Variants in PCDH11X observed in about 807,000 individuals in gnomAD.
The protein encoded by PCDH11X is protocadherin-11 X-linked.
Under a neutral mutation model 53.3 loss-of-function variants are expected in PCDH11X, and 18 were observed. That is an observed-to-expected ratio of 0.34 (90% CI 0.23 to 0.50). The LOEUF is 0.50. PCDH11X is among the 20% of genes least tolerant of loss of function. The probability of loss-of-function intolerance (pLI) is 0.98; values close to 1 mark genes in which losing one functional copy is unlikely to be tolerated. For synonymous variants in PCDH11X, 279 were observed against 393.3 expected (o/e 0.71, Z 3.44); for missense variants, 570 against 1,032.4 (o/e 0.55, Z 6.14).
chrX:92,270,518 C>A (rs774950482), intron 8 of PCDH11X, among the ~76,000 whole-genome samples: 2 of 111,778 alleles, frequency 1.8e-5, no homozygotes, highest in Non-Finnish European at 3.8e-5. Context: ...TGAAACAGGC[C>A]TCAATCAATT....
intron 9 of PCDH11X, among the ~76,000 whole-genome samples, chrX:92,449,716 C>T (rs936054312): frequency 1.8e-5 from 2 of 110,783 alleles, no homozygotes; most frequent in African/African-American, 6.6e-5. Flanking sequence ...TTCTGGAGGT[C>T]ATTATCATGC....
chrX:92,128,784 TTA>T (rs1380004971), intron 6 of PCDH11X, among the ~76,000 whole-genome samples: 3 of 110,809 alleles, frequency 2.7e-5, no homozygotes, highest in African/African-American at 9.9e-5. Context: ...AAAAGGCAGA[TTA>T]TGTGTCAAAA....
At chrX:92,165,981 G>A (rs1369033681) in intron 6 of PCDH11X, among the ~76,000 whole-genome samples, 1 of 111,201 alleles carries the variant, frequency 9.0e-6, no homozygotes, top group Non-Finnish European at 1.9e-5. Context: ...GTTAACTCTA[G>A]CCGAAGGGTA....
At chrX:92,497,136 G>A (rs2073874167) in intron 10 of PCDH11X, among the ~76,000 whole-genome samples, 1 of 110,512 alleles carries the variant, frequency 9.0e-6, no homozygotes, top group South Asian at 3.9e-4. Context: ...AGCCAAGGAG[G>A]AAGTTGTTGG....
intron 6 of PCDH11X, among the ~76,000 whole-genome samples, chrX:91,932,697 TGTGCGC>T (rs1229289120): frequency 2.1e-5 from 2 of 95,192 alleles, no homozygotes; most frequent in African/African-American, 4.3e-5. Context: ...TGTGTGTGTG[TGTGCGC>T]GCGCGCGCGC....
At chrX:92,299,022 G>A (rs1173315375) in intron 8 of PCDH11X, among the ~76,000 whole-genome samples, 1 of 111,394 alleles carries the variant, frequency 9.0e-6, no homozygotes, top group South Asian at 3.9e-4. Flanking sequence ...TAACTTAGAT[G>A]GGTCTAGCTG....
At chrX:92,039,151 C>T (rs2063173325) in intron 6 of PCDH11X, among the ~76,000 whole-genome samples, 1 of 111,420 alleles carries the variant, frequency 9.0e-6, no homozygotes, top group South Asian at 3.8e-4. Flanking sequence ...TGTGACTGTG[C>T]TTGGGCAGAC....
At chrX:91,825,643 G>C (rs770530510) in intron 4 of PCDH11X, among the ~76,000 whole-genome samples, 2 of 109,805 alleles carry the variant, frequency 1.8e-5, no homozygotes, top group Admixed American at 9.5e-5. Flanking sequence ...CTTCTGCGTC[G>C]CTCAGGCTGG....
intron 6 of PCDH11X, among the ~76,000 whole-genome samples, chrX:91,891,669 A>G (rs1411714266): frequency 9.4e-6 from 1 of 106,589 alleles, no homozygotes; most frequent in East Asian, 3.0e-4. Context: ...GGAGTTTACC[A>G]TGAGTTCAGA....
At chrX:91,959,431 C>T (rs1399184175) in intron 6 of PCDH11X, among the ~76,000 whole-genome samples, 1 of 111,282 alleles carries the variant, frequency 9.0e-6, no homozygotes, top group East Asian at 2.8e-4. Context: ...TATCCTTTAA[C>T]CAATGTCTCC....
chrX:92,490,230 C>T (rs1399551844), intron 10 of PCDH11X, among the ~76,000 whole-genome samples: 8 of 106,040 alleles, frequency 7.5e-5, no homozygotes, highest in Non-Finnish European at 1.4e-4. Context: ...ACATCAGAGT[C>T]AAGTTAGTAG....
chrX:92,203,388 A>T (rs1569419846), intron 7 of PCDH11X, among the ~76,000 whole-genome samples: 1 of 112,660 alleles, frequency 8.9e-6, no homozygotes, highest in Non-Finnish European at 1.9e-5. Flanking sequence ...CTGTTTGCAA[A>T]GAGTTTCAGA....
At chrX:92,348,435 C>G (rs1310288224) in intron 8 of PCDH11X, among the ~76,000 whole-genome samples, 33 of 110,125 alleles carry the variant, frequency 3.0e-4, no homozygotes, top group African/African-American at 1.1e-3. Context: ...TGTAACCATC[C>G]AAAATCCAAG....
At chrX:91,847,822 C>A (rs766516983) in intron 5 of PCDH11X, among the ~76,000 whole-genome samples, 4 of 110,587 alleles carry the variant, frequency 3.6e-5, no homozygotes, top group East Asian at 2.8e-4. Context: ...TTTACACACA[C>A]AAAAAAAACA....
intron 6 of PCDH11X, chrX:91,884,026 C>G (rs1240479716): frequency 7.7e-6 from 3 of 390,852 alleles, no homozygotes; most frequent in African/African-American, 3.0e-5. Context: ...CCCGTCTCTT[C>G]TGAAAAATAC....
chrX:92,322,704 T>C (rs1368628939), intron 8 of PCDH11X, among the ~76,000 whole-genome samples: 1 of 111,645 alleles, frequency 9.0e-6, no homozygotes. Flanking sequence ...CTATTATTAA[T>C]AACGCTCTTA....
Position 91,884,190 on chromosome X carries a change from C to CAAAA in PCDH11X, c.3033+4936_3033+4939dup, listed in dbSNP as rs34953838. On this transcript the variant is annotated intron_variant, in intron 6 of 10. Transcript: ENST00000682573. The stretch of plus-strand genomic sequence containing the variant: ...TGGGTGACAAAGCAAGACTCCGTCT[C>CAAAA]AAAAAAAAAAAAAAAAAAAAAAGAA... Among the ~76,000 whole-genome samples, 41 of 37,717 alleles carry CAAAA rather than the reference C, an allele frequency of 1.1e-3. 1 individual carries two copies. The highest frequency in any genetic ancestry group is 4.2e-3 in the African/African-American group (38 of 8,947). The allele number at this position is 37,717 out of a possible 115,157, so 32.8% of individuals were successfully genotyped here.
At chrX:92,102,505 T>A (rs1309159056) in intron 6 of PCDH11X, among the ~76,000 whole-genome samples, 1 of 111,231 alleles carries the variant, frequency 9.0e-6, no homozygotes, top group Non-Finnish European at 1.9e-5. Context: ...TCGGACACGA[T>A]CAGCAGGGAA....
chrX:92,595,117 G>A (rs1446348905), intron 10 of PCDH11X, among the ~76,000 whole-genome samples: 1 of 109,583 alleles, frequency 9.1e-6, no homozygotes, highest in Non-Finnish European at 1.9e-5. Context: ...TGAATGAAAT[G>A]GCATACTTTT....
Sources: allele counts gnomAD v4.1 joint callset (sites outside exome capture counted in the v4.1 genomes callset), GRCh38; gene constraint gnomAD v4.1.1; transcripts MANE v1.5; gene names NCBI Gene and HGNC (gene_info 2026-07-23, HGNC 2026-07-21).